The following RARB variants were observed in gnomAD, a reference collection of about 807,000 sequenced individuals.
The protein encoded by RARB is retinoic acid receptor beta, also known as HBV-activated protein.
A neutral mutation model predicts 51.9 loss-of-function variants in RARB; 17 were observed. That is an observed-to-expected ratio of 0.33 (90% CI 0.22 to 0.49). RARB has a LOEUF of 0.49. Ranked by LOEUF, RARB falls within the 20% of genes least tolerant of loss-of-function variation. RARB has a pLI of 0.99. For missense variants in RARB, 369 were observed against 550.8 expected (o/e 0.67, Z 3.30); for synonymous variants, 215 against 195.4 (o/e 1.10, Z -0.84).
In RARB at chr3:25,596,709, G is replaced by T; in HGVS notation, c.*93G>T. The T allele has an allele frequency of 8.7e-7, 1 of 1,152,242 alleles. No individual in the cohort carries two copies. The allele number at this position is 1,152,242 out of a possible 1,614,324, so 71.4% of individuals were successfully genotyped here. ...ACATTTTTACTGCTGCTTAGTTTTT[G>T]GACTGAAAAGATATTAAAACTCAAG... On this transcript the variant is annotated 3_prime_UTR_variant, in exon 8 of 8. Transcript: ENST00000330688.
intron 5 of RARB, among the ~76,000 whole-genome samples, chr3:25,582,002 G>A (rs1352277663): frequency 6.6e-6 from 1 of 152,010 alleles, no homozygotes; most frequent in Non-Finnish European, 1.5e-5. Flanking sequence ...CAAGATCGGG[G>A]TGGAGTGGGG....
intron 2 of RARB, among the ~76,000 whole-genome samples, chr3:25,479,602 A>G (rs889183154): frequency 1.3e-5 from 2 of 152,210 alleles, no homozygotes; most frequent in Non-Finnish European, 2.9e-5. Flanking sequence ...CTAAAGAATG[A>G]TGGAAGTGTT....
chr3:24,967,117 A>G (rs1696292413), intron 2 of RARB, among the ~76,000 whole-genome samples: 1 of 152,162 alleles, frequency 6.6e-6, no homozygotes, highest in Non-Finnish European at 1.5e-5. Context: ...TATTATCTTG[A>G]AAAATCAGAA....
chr3:25,457,686 A>G (rs749678282), intron 1 of RARB, among the ~76,000 whole-genome samples: 6 of 152,172 alleles, frequency 3.9e-5, no homozygotes, highest in Non-Finnish European at 8.8e-5. Context: ...TTCTTTGGGA[A>G]GGTGAAATGC....
intron 2 of RARB, among the ~76,000 whole-genome samples, chr3:25,020,755 C>G (rs1359074970): frequency 6.6e-6 from 1 of 152,050 alleles, no homozygotes; most frequent in Non-Finnish European, 1.5e-5. Flanking sequence ...AGTCACATAT[C>G]CTGATATTTT....
chr3:25,238,604 C>A (rs993001452), intron 5 of RARB, among the ~76,000 whole-genome samples: 1 of 152,128 alleles, frequency 6.6e-6, no homozygotes, highest in African/African-American at 2.4e-5. Context: ...ATAGTAGCTG[C>A]ACTACTTTAC....
intron 3 of RARB, among the ~76,000 whole-genome samples, chr3:25,116,685 T>C (rs1476444385): frequency 6.6e-6 from 1 of 152,046 alleles, no homozygotes; most frequent in Non-Finnish European, 1.5e-5. Context: ...GGTAAGTAAA[T>C]GGTATCTTTG....
At chr3:25,168,488 A>C (rs2125350165) in intron 4 of RARB, among the ~76,000 whole-genome samples, 1 of 152,292 alleles carries the variant, frequency 6.6e-6, no homozygotes, top group Admixed American at 6.5e-5. Flanking sequence ...AGCCTCCCAA[A>C]GTGCTGGGTT....
intron 2 of RARB, among the ~76,000 whole-genome samples, chr3:24,902,211 T>C (rs1306615246): frequency 6.6e-6 from 1 of 152,192 alleles, no homozygotes; most frequent in South Asian, 2.1e-4. Flanking sequence ...GACCACAGAC[T>C]TACGTGTCCC....
intron 4 of RARB, among the ~76,000 whole-genome samples, chr3:25,150,217 T>A (rs2125341119): frequency 6.7e-6 from 1 of 150,302 alleles, no homozygotes; most frequent in Admixed American, 6.6e-5. Context: ...AAAAAAAAAT[T>A]GTTAAACATC....
upstream of RARB, among the ~76,000 whole-genome samples, chr3:25,427,624 A>C (rs910470462): frequency 6.6e-6 from 1 of 152,200 alleles, no homozygotes; most frequent in African/African-American, 2.4e-5. Flanking sequence ...TTTTCAAAGT[A>C]AATGAATCTC....
chr3:25,112,336 T>C (rs912786092), intron 3 of RARB, among the ~76,000 whole-genome samples: 27 of 152,288 alleles, frequency 1.8e-4, no homozygotes, highest in African/African-American at 6.3e-4. Flanking sequence ...ACCTGGAAGC[T>C]TGTTACAAAT....
At chr3:25,014,492 T>C (rs1172211320) in intron 2 of RARB, among the ~76,000 whole-genome samples, 2 of 152,104 alleles carry the variant, frequency 1.3e-5, no homozygotes, top group African/African-American at 4.8e-5. Context: ...ACTGGCAGCG[T>C]ACAGACCCCA....
chr3:25,430,379 C>G (rs1708153380), intron 1 of RARB, among the ~76,000 whole-genome samples: 1 of 152,174 alleles, frequency 6.6e-6, no homozygotes, highest in South Asian at 2.1e-4. Flanking sequence ...TGAACAATTT[C>G]TGTTGGAATC....
intron 1 of RARB, among the ~76,000 whole-genome samples, chr3:25,445,189 A>G (rs1188013541): frequency 2.6e-5 from 4 of 152,056 alleles, no homozygotes; most frequent in Admixed American, 6.5e-5. Flanking sequence ...AGCTCAGGCA[A>G]TCTGCCCGCC....
intron 1 of RARB, among the ~76,000 whole-genome samples, chr3:24,830,501 A>T (rs9826602): frequency 0.081 from 11,941 of 147,514 alleles, 471 homozygotes; most frequent in African/African-American, 0.095. Flanking sequence ...CTGTGCCTCC[A>T]CACCCCTCCG....
intron 5 of RARB, among the ~76,000 whole-genome samples, chr3:25,259,500 G>T (rs934572377): frequency 5.3e-5 from 8 of 152,076 alleles, no homozygotes; most frequent in Admixed American, 3.3e-4. Context: ...CAATGTCCAA[G>T]GTAACCTAGG....
intron 3 of RARB, among the ~76,000 whole-genome samples, chr3:25,562,384 T>A (rs1220261676): frequency 6.6e-6 from 1 of 152,196 alleles, no homozygotes; most frequent in African/African-American, 2.4e-5. Flanking sequence ...ATGCCATAAA[T>A]AAAAGGCTTC....
At chr3:25,337,580 C>T (rs2125448810) in intron 5 of RARB, among the ~76,000 whole-genome samples, 1 of 152,262 alleles carries the variant, frequency 6.6e-6, no homozygotes, top group Non-Finnish European at 1.5e-5. Flanking sequence ...TTATTGTTCT[C>T]TCTGCCTGAA....
Sources: allele counts gnomAD v4.1 joint callset (sites outside exome capture counted in the v4.1 genomes callset), GRCh38; gene constraint gnomAD v4.1.1; transcripts MANE v1.5; gene names NCBI Gene and HGNC (gene_info 2026-07-23, HGNC 2026-07-21).